Variants in PARD3 observed in about 807,000 individuals in gnomAD.
PARD3 encodes the protein partitioning defective 3 homolog.
Under a neutral mutation model 155.4 loss-of-function variants are expected in PARD3, and 75 were observed. That is an observed-to-expected ratio of 0.48 (90% confidence interval 0.40 to 0.58). The LOEUF is 0.58. Ranked by LOEUF, PARD3 falls within the 20% of genes least tolerant of loss-of-function variation. The pLI, the probability that PARD3 is intolerant of heterozygous loss-of-function variation, is 0.00. For missense variants in PARD3, 1,642 were observed against 1,721.7 expected (o/e 0.95, Z 0.82); for synonymous variants, 576 against 610.5 (o/e 0.94, Z 0.83).
intron 5 of PARD3, among the ~76,000 whole-genome samples, chr10:34,433,474 C>T (rs1433811865): frequency 6.6e-6 from 1 of 152,084 alleles, no homozygotes; most frequent in African/African-American, 2.4e-5. Context: ...ACATTAATAC[C>T]AAAGTCTCAG....
At chr10:34,479,075 C>A (rs2078895561) in intron 3 of PARD3, among the ~76,000 whole-genome samples, 1 of 151,810 alleles carries the variant, frequency 6.6e-6, no homozygotes. Flanking sequence ...AGAACAGGAA[C>A]TTTTCTCAAA....
At chr10:34,656,551 T>G (rs2133103964) in intron 2 of PARD3, among the ~76,000 whole-genome samples, 1 of 152,300 alleles carries the variant, frequency 6.6e-6, no homozygotes, top group South Asian at 2.1e-4. Context: ...TAATCATCAT[T>G]CAATACAAAA....
chr10:34,478,551 AT>A (rs2078862595), intron 3 of PARD3, among the ~76,000 whole-genome samples: 1 of 152,084 alleles, frequency 6.6e-6, no homozygotes, highest in African/African-American at 2.4e-5. Flanking sequence ...AACATATGCA[AT>A]TTTCTTTCGA....
intron 22 of PARD3, among the ~76,000 whole-genome samples, chr10:34,215,179 G>T (rs1951944497): frequency 6.6e-6 from 1 of 152,206 alleles, no homozygotes; most frequent in South Asian, 2.1e-4. Context: ...AAAGAATGGT[G>T]TGAATGTTGC....
At chr10:34,233,090 T>TC (rs150685125) in intron 22 of PARD3, among the ~76,000 whole-genome samples, 3,955 of 143,360 alleles carry the variant, frequency 0.028, 94 homozygotes, top group Non-Finnish European at 0.039. Context: ...GCCTTTACAT[T>TC]CCCTTGGACT....
At chr10:34,479,463 A>G (rs1025120267) in intron 3 of PARD3, among the ~76,000 whole-genome samples, 1 of 152,148 alleles carries the variant, frequency 6.6e-6, no homozygotes, top group African/African-American at 2.4e-5. Flanking sequence ...CACGGCACCC[A>G]GCCTTTAAAT....
chr10:34,117,408 G>A (rs920378234), intron 24 of PARD3, among the ~76,000 whole-genome samples: 3 of 152,046 alleles, frequency 2.0e-5, no homozygotes, highest in Non-Finnish European at 4.4e-5. Flanking sequence ...TCACCCTTCC[G>A]ATGGAATGCA....
At chr10:34,253,064 A>G (rs932650243) in intron 22 of PARD3, among the ~76,000 whole-genome samples, 2 of 152,208 alleles carry the variant, frequency 1.3e-5, no homozygotes, top group Non-Finnish European at 2.9e-5. Flanking sequence ...CAATTCAAAG[A>G]TGTGCTGGTC....
chr10:34,190,668 G>T (rs1292335359), intron 22 of PARD3, among the ~76,000 whole-genome samples: 1 of 152,120 alleles, frequency 6.6e-6, no homozygotes, highest in East Asian at 1.9e-4. Context: ...CTAAATGGGA[G>T]ATACACCAGG....
intron 1 of PARD3, among the ~76,000 whole-genome samples, chr10:34,715,052 G>A (rs1014888220): frequency 1.2e-4 from 17 of 147,046 alleles, no homozygotes; most frequent in African/African-American, 4.3e-4. Context: ...GATTACAGGC[G>A]TAAGCCACCA....
intron 22 of PARD3, among the ~76,000 whole-genome samples, chr10:34,228,099 T>A (rs1226741727): frequency 2.0e-5 from 3 of 151,512 alleles, no homozygotes; most frequent in Non-Finnish European, 2.9e-5. Flanking sequence ...AGGAATGAGA[T>A]CCTGTCCTTT....
At chr10:34,438,439 T>G (rs1375394870) in intron 5 of PARD3, among the ~76,000 whole-genome samples, 2 of 152,168 alleles carry the variant, frequency 1.3e-5, no homozygotes, top group Non-Finnish European at 2.9e-5. Flanking sequence ...TTCATCAAGT[T>G]TTCATTTATT....
At chr10:34,797,773 C>G (rs753531700) in intron 1 of PARD3, among the ~76,000 whole-genome samples, 1 of 152,190 alleles carries the variant, frequency 6.6e-6, no homozygotes, top group Non-Finnish European at 1.5e-5. Flanking sequence ...CTCCCCCGTG[C>G]TGTCTCTCAC....
At chr10:34,751,733 A>T (rs1024703450) in intron 1 of PARD3, among the ~76,000 whole-genome samples, 1 of 150,528 alleles carries the variant, frequency 6.6e-6, no homozygotes, top group African/African-American at 2.4e-5. Flanking sequence ...CCCCTCAAGT[A>T]GCTGGGACCA....
chr10:34,630,193 G>A (rs371436245), intron 2 of PARD3, among the ~76,000 whole-genome samples: 20 of 152,228 alleles, frequency 1.3e-4, no homozygotes, highest in Non-Finnish European at 1.8e-4. Flanking sequence ...GCACTTACTC[G>A]GCATGGAGCT....
chr10:34,123,890 G>A (rs761701285), intron 23 of PARD3, among the ~76,000 whole-genome samples: 1 of 152,140 alleles, frequency 6.6e-6, no homozygotes, highest in Non-Finnish European at 1.5e-5. Context: ...CAAAGTTTCA[G>A]TACTAATTAG....
chr10:34,519,289 T>C (rs2081980738), intron 2 of PARD3, among the ~76,000 whole-genome samples: 1 of 152,192 alleles, frequency 6.6e-6, no homozygotes, highest in Admixed American at 6.5e-5. Context: ...TGTGAGTTTC[T>C]TTCTTTTGAT....
At chr10:34,357,023 C>T (rs1838955157) in intron 14 of PARD3, among the ~76,000 whole-genome samples, 1 of 152,134 alleles carries the variant, frequency 6.6e-6, no homozygotes, top group Admixed American at 6.5e-5. Flanking sequence ...CATATTCATT[C>T]ACAAAAATTC....
chr10:34,336,555 A>G (rs1326978088), intron 17 of PARD3, among the ~76,000 whole-genome samples: 1 of 152,166 alleles, frequency 6.6e-6, no homozygotes, highest in Non-Finnish European at 1.5e-5. Flanking sequence ...CTTGGAATAC[A>G]AACAGCCACC....
Sources: allele counts gnomAD v4.1 joint callset (sites outside exome capture counted in the v4.1 genomes callset), GRCh38; gene constraint gnomAD v4.1.1; transcripts MANE v1.5; gene names NCBI Gene and HGNC (gene_info 2026-07-23, HGNC 2026-07-21).